The following DNAAF1 variants were observed in gnomAD, a reference collection of about 807,000 sequenced individuals.
The protein encoded by DNAAF1 is dynein assembly factor 1, axonemal.
A neutral mutation model predicts 71.1 loss-of-function variants in DNAAF1; 65 were observed. The observed-to-expected ratio is 0.91, with a 90% CI of 0.75 to 1.12. The LOEUF is 1.12. Ranked by LOEUF, DNAAF1 falls within the 50% of genes most tolerant of loss-of-function variation. The pLI is 0.00. For missense variants in DNAAF1, 1,178 were observed against 899.8 expected (o/e 1.31, Z -3.96); for synonymous variants, 414 against 354.6 (o/e 1.17, Z -1.88).
chr16:84,174,218 T>C (rs1485450786), intron 9 of DNAAF1: 47 of 1,041,258 alleles, frequency 4.5e-5, no homozygotes, highest in Non-Finnish European at 5.2e-5. Flanking sequence ...CTGGTTGTTA[T>C]GGACAAAGAT....
chr16:84,169,787 CTTGA>C, intron 7 of DNAAF1, 68 bp from the exon 8 acceptor site: 1 of 1,605,158 alleles, frequency 6.2e-7, no homozygotes, highest in South Asian at 1.1e-5. Flanking sequence ...GCTGTGAGCC[CTTGA>C]TGTACCCACA....
intron 5 of DNAAF1, 60 bp downstream of exon 5, chr16:84,155,809 C>T: frequency 6.9e-6 from 11 of 1,585,458 alleles, no homozygotes; most frequent in Non-Finnish European, 9.5e-6. Context: ...CTATTATTTT[C>T]ATCAAATATC....
rs115505392 is a variant in DNAAF1 at position 84,152,023 on chromosome 16, A to G, written c.352+1681A>G. ...AAGGCATTGACTAGGAGGGTGATCC[A>G]GAGAGCCTGAGGAGGAAGCTGGGAA... On this transcript the variant is annotated intron_variant, in intron 3 of 11. Coordinates refer to ENST00000378553, the MANE Select transcript of DNAAF1 (RefSeq NM_178452.6). Among the ~76,000 whole-genome samples, 1,109 of 152,348 alleles carry G rather than the reference A, an allele frequency of 7.3e-3. 16 individuals carry two copies. The highest frequency in any genetic ancestry group is 0.025 in the African/African-American group (1,054 of 41,570).
Position 84,176,312 on chromosome 16 carries a change from G to T in DNAAF1, c.2065+13G>T. The T allele has an allele frequency of 1.2e-6, 2 of 1,613,044 alleles. No homozygotes were observed. The highest frequency in any genetic ancestry group is 1.7e-6 in the Non-Finnish European group (2 of 1,180,012). On this transcript the variant is annotated intron_variant, in intron 11 of 11. Transcript: ENST00000378553. ...GCCTCTTCTCCGGGTAAGAGCGTGGGGCCGAGAGCACAGTGGAGACAATGT... is the reference window on the plus strand; with the variant it reads ...GCCTCTTCTCCGGGTAAGAGCGTGGTGCCGAGAGCACAGTGGAGACAATGT...
At chr16:84,165,094 T>A (rs1385353518) in intron 6 of DNAAF1, among the ~76,000 whole-genome samples, 1 of 152,224 alleles carries the variant, frequency 6.6e-6, no homozygotes, top group Non-Finnish European at 1.5e-5. Flanking sequence ...CCCAGTTTTT[T>A]ATTGCGTTGT....
intron 10 of DNAAF1, chr16:84,175,611 C>A (rs188119053): frequency 6.0e-5 from 23 of 382,500 alleles, no homozygotes; most frequent in Non-Finnish European, 2.5e-5. Flanking sequence ...CCCAGAGAGT[C>A]TGTGAAGGAA....
chr16:84,153,027 C>G (rs1449514121), intron 3 of DNAAF1, among the ~76,000 whole-genome samples: 1 of 151,410 alleles, frequency 6.6e-6, no homozygotes, highest in Non-Finnish European at 1.5e-5. Context: ...TATGTTGATT[C>G]AGACAGTAAA....
intron 7 of DNAAF1, among the ~76,000 whole-genome samples, chr16:84,166,370 C>CTTTTTTTTT (rs535417461): frequency 9.1e-4 from 108 of 118,712 alleles, no homozygotes; most frequent in African/African-American, 1.8e-3. Flanking sequence ...TTCTTTTTTT[C>CTTTTTTTTT]TTTTTTTTTT....
At chr16:84,146,661 G>C (rs1418135754) in intron 1 of DNAAF1, among the ~76,000 whole-genome samples, 8 of 151,928 alleles carry the variant, frequency 5.3e-5, no homozygotes, top group African/African-American at 1.9e-4. Context: ...AGGTTGCAGT[G>C]AGCCAAGGGG....
In DNAAF1 at chr16:84,170,080, G is replaced by A; in HGVS notation, c.1252G>A (p.Ala418Thr). ...GGPEPEGTLP[A>T]ETLLLSSPVE... Reference sequence around the variant, plus strand: ...TCCAGAGCCAGAGGGGACCCTCCCAGCTGAGACCCTGCTACTGTCGTCACC... The same window carrying A: ...TCCAGAGCCAGAGGGGACCCTCCCAACTGAGACCCTGCTACTGTCGTCACC... The change falls in exon 8 of 12, where the codon GCT (alanine) becomes ACT (threonine). Residue 418 changes from alanine (A) to threonine (T), a missense_variant. Transcript: ENST00000378553. The A allele has an allele frequency of 6.2e-7, 1 of 1,612,650 alleles. No homozygotes were observed. Among genetic ancestry groups the A allele is most frequent in the Non-Finnish European group, 8.5e-7 (1 of 1,179,440 alleles).
In DNAAF1 at chr16:84,155,564, T is replaced by A. The variant is rs557485572; in HGVS notation, c.575-19T>A. ...TTTTTATGCCTTTGTTTTTGACTTC[T>A]GCTGACCTTACCTTCCAGCCTGCCT... On this transcript the variant is annotated intron_variant, in intron 4 of 11. Coordinates refer to ENST00000378553, the MANE Select transcript of DNAAF1 (RefSeq NM_178452.6). 22 of 1,613,860 alleles carry A rather than the reference T, an allele frequency of 1.4e-5. No individual in the cohort carries two copies. The highest frequency in any genetic ancestry group is 1.9e-5 in the Non-Finnish European group (22 of 1,179,932).
chr16:84,166,035 GAA>G, intron 7 of DNAAF1, 86 bp downstream of exon 7: 2 of 1,235,022 alleles, frequency 1.6e-6, no homozygotes, highest in Non-Finnish European at 2.3e-6. Context: ...TTAATCTTGG[GAA>G]TTTTTTTTTT....
intron 8 of DNAAF1, 96 bp downstream of exon 8, chr16:84,170,452 A>C (rs1033308470): frequency 7.6e-6 from 12 of 1,574,652 alleles, no homozygotes; most frequent in Non-Finnish European, 7.8e-6. Context: ...CCTGAGTTTC[A>C]CTTCTTCTGT....
intron 5 of DNAAF1, among the ~76,000 whole-genome samples, chr16:84,157,010 G>A (rs2042410): frequency 0.46 from 69,830 of 151,290 alleles, 16,639 homozygotes; most frequent in East Asian, 0.71. Flanking sequence ...GCACCACCAC[G>A]TCCAGCTAAT....
chr16:84,174,644 A>T, intron 9 of DNAAF1, 25 bp from the exon 10 acceptor site: 1 of 1,614,100 alleles, frequency 6.2e-7, no homozygotes, highest in East Asian at 2.2e-5. Context: ...CTCCCTGGTG[A>T]TGTGCGGCTC....
At position 84,159,737 on chromosome 16, in the gene DNAAF1, C is replaced by G. The variant is rs2087614223; in HGVS notation, c.804C>G (p.Val268=). Residue 268 remains valine, a synonymous_variant, in exon 6 of 12, where the codon GTC becomes GTG. Coordinates refer to ENST00000378553, the MANE Select transcript of DNAAF1 (RefSeq NM_178452.6). ...AGATTCCTAATTACAGAAGGACAGT[C>G]ACTGTACGACTAAAGCACTTAACAT... ...IRQIPNYRRT[V]TVRLKHLTYL... is the part of the protein sequence containing the mutation. The G allele has an allele frequency of 6.2e-7, 1 of 1,613,952 alleles. No individual in the cohort carries two copies. Among genetic ancestry groups the G allele is most frequent in the Non-Finnish European group, 8.5e-7 (1 of 1,179,886 alleles).
In DNAAF1 at chr16:84,170,131, G is replaced by C. The variant is rs149158199; in HGVS notation, c.1303G>C (p.Asp435His). 6.3e-7 allele frequency: 1 copy of C among 1,590,246 alleles called. No homozygotes were observed. The highest frequency in any genetic ancestry group is 8.6e-7 in the Non-Finnish European group (1 of 1,166,372). ...SPVEVKGEDG[D>H]GEPEGTLPAE... ...TGTGGAGGTTAAAGGAGAGGACGGA[G>C]ATGGAGAGCCAGAGGGGACCCTCCC... The change falls in exon 8 of 12, where the codon GAT becomes CAT. Residue 435 changes from aspartate to histidine, a missense_variant. By Grantham distance (81) the Asp-to-His change is moderately conservative. Coordinates refer to ENST00000378553, the MANE Select transcript of DNAAF1 (RefSeq NM_178452.6).
At chr16:84,149,215 A>T in intron 2 of DNAAF1, 73 bp downstream of exon 2, 1 of 1,575,304 alleles carries the variant, frequency 6.3e-7, no homozygotes, top group Admixed American at 1.7e-5. Context: ...CCTTGTACGG[A>T]TAATGAAATA....
At chr16:84,162,630 C>G (rs1430425957) in intron 6 of DNAAF1, among the ~76,000 whole-genome samples, 3 of 151,906 alleles carry the variant, frequency 2.0e-5, no homozygotes, top group Admixed American at 2.0e-4. Context: ...ACCATCCTGG[C>G]CAACACGGTG....
Sources: allele counts gnomAD v4.1 joint callset (sites outside exome capture counted in the v4.1 genomes callset), GRCh38; gene constraint gnomAD v4.1.1; transcripts MANE v1.5; gene names NCBI Gene and HGNC (gene_info 2026-07-23, HGNC 2026-07-21).